Variants in METTL13 observed in about 807,000 individuals in gnomAD.
METTL13 encodes the protein methyltransferase 13, eEF1A N-terminus and K55, also known as eEF1A lysine and N-terminal methyltransferase.
METTL13 carries 52 observed loss-of-function variants against 67.4 expected under a neutral mutation model. The observed-to-expected ratio is 0.77, with a 90% CI of 0.62 to 0.97. The LOEUF (loss-of-function observed/expected upper bound fraction) is 0.97, where lower values mean the gene tolerates loss of function less well. Ranked by LOEUF, METTL13 falls within the 50% of genes least tolerant of loss-of-function variation. The pLI is 0.00. For missense variants in METTL13, 825 were observed against 889.6 expected (o/e 0.93, Z 0.92); for synonymous variants, 354 against 353.6 (o/e 1.00, Z -0.01).
intron 6 of METTL13, 24 bp downstream of exon 6, chr1:171,792,259 G>C: frequency 6.2e-7 from 1 of 1,612,810 alleles, no homozygotes; most frequent in Non-Finnish European, 8.5e-7. Context: ...AGCATTTGAA[G>C]GGGTGTTGAG....
Position 171,797,002 on chromosome 1 carries a change from G to A in METTL13, c.*246G>A. 1 of 491,554 alleles carries A rather than the reference G, an allele frequency of 2.0e-6. No homozygotes were observed. The highest frequency in any genetic ancestry group is 1.9e-5 in the African/African-American group (1 of 51,610). 30.4% of individuals were successfully genotyped at this position (491,554 alleles called of 1,614,324 possible). On this transcript the variant is annotated 3_prime_UTR_variant, in exon 8 of 8. Coordinates refer to ENST00000361735, the MANE Select transcript of METTL13 (RefSeq NM_015935.5). ...TCTTTGCTTCCTACACCACGTCCTTGAGTGGAGTTCCCTGCTGAAGCCCCT... is the reference window on the plus strand; with the variant it reads ...TCTTTGCTTCCTACACCACGTCCTTAAGTGGAGTTCCCTGCTGAAGCCCCT...
At chr1:171,784,882 T>C (rs1267115581) in intron 2 of METTL13, among the ~76,000 whole-genome samples, 2 of 152,144 alleles carry the variant, frequency 1.3e-5, no homozygotes, top group Non-Finnish European at 2.9e-5. Context: ...GTCTAAGACA[T>C]AGGTTCTAGT....
Position 171,796,638 on chromosome 1 carries a change from C to T in METTL13, c.1982C>T (p.Ala661Val). 1.9e-6 allele frequency: 3 copies of T among 1,614,148 alleles called. No individual in the cohort carries two copies. The highest frequency in any genetic ancestry group is 1.6e-4 in the Middle Eastern group (1 of 6,062). ...FCQLHPEQKL[A>V]TPELLETAQA... is the part of the protein sequence containing the mutation. ...CAGCTGCACCCTGAGCAAAAACTTG[C>T]CACACCAGAGCTCCTAGAAACAGCC... The change falls in exon 8 of 8, where the codon GCC (alanine) becomes GTC (valine). Residue 661 changes from alanine to valine, a missense_variant. Physicochemically the swap from Ala to Val is moderately conservative, Grantham distance 64. Transcript: ENST00000361735.
chr1:171,794,865 G>A (rs1463436583), intron 7 of METTL13, among the ~76,000 whole-genome samples: 1 of 151,912 alleles, frequency 6.6e-6, no homozygotes, highest in African/African-American at 2.4e-5. Context: ...TGTTTCCCAG[G>A]CTGGAGTGCA....
At position 171,784,406 on chromosome 1, in the gene METTL13, G is replaced by A. The variant is rs750837677; in HGVS notation, c.820G>A (p.Asp274Asn). Residue 274 changes from aspartate (D) to asparagine (N), a missense_variant, in exon 2 of 8, where the codon GAT (aspartate) becomes AAT (asparagine). By Grantham distance (23) the Asp-to-Asn change is conservative. Transcript: ENST00000361735. ...RLGSVSLDLC[D>N]GDTGEPRYTL... The stretch of plus-strand genomic sequence containing the variant: ...GGGGAGTGTGTCTCTGGACTTGTGC[G>A]ATGGGGACACGGGGGAGCCACGCTA... The A allele has an allele frequency of 2.6e-6, 4 of 1,554,234 alleles. No homozygotes were observed. The highest frequency in any genetic ancestry group is 2.2e-5 in the East Asian group (1 of 44,454).
chr1:171,791,515 G>C (rs909387935), intron 5 of METTL13, among the ~76,000 whole-genome samples: 4 of 152,072 alleles, frequency 2.6e-5, no homozygotes, highest in South Asian at 2.1e-4. Flanking sequence ...ATTTACTCTT[G>C]CCCAGGCTGG....
At chr1:171,792,522 A>AGGTT (rs1434946795) in intron 6 of METTL13, among the ~76,000 whole-genome samples, 1 of 152,216 alleles carries the variant, frequency 6.6e-6, no homozygotes, top group African/African-American at 2.4e-5. Context: ...TTTCCTCACC[A>AGGTT]TCTTAAGAAA....
At chr1:171,791,706 T>C (rs923257487) in intron 5 of METTL13, among the ~76,000 whole-genome samples, 2 of 152,142 alleles carry the variant, frequency 1.3e-5, no homozygotes, top group Non-Finnish European at 2.9e-5. Context: ...TCAAGTAATC[T>C]GCCCACCTCG....
chr1:171,786,358 C>G (rs957806866), intron 3 of METTL13, among the ~76,000 whole-genome samples: 21 of 152,176 alleles, frequency 1.4e-4, no homozygotes, highest in African/African-American at 5.1e-4. Context: ...TTCAGTTCTT[C>G]CTAATTTGAG....
At chr1:171,786,719 G>A (rs1657026357) in intron 3 of METTL13, among the ~76,000 whole-genome samples, 1 of 152,044 alleles carries the variant, frequency 6.6e-6, no homozygotes, top group Non-Finnish European at 1.5e-5. Flanking sequence ...GGAGTTCAGT[G>A]GTGTGATCAC....
At chr1:171,785,257 A>G (rs1404618430) in intron 2 of METTL13, among the ~76,000 whole-genome samples, 1 of 152,240 alleles carries the variant, frequency 6.6e-6, no homozygotes, top group African/African-American at 2.4e-5. Context: ...AAAGTGGAAC[A>G]TTGTAGACAA....
Position 171,785,949 on chromosome 1 carries a change from T to A in METTL13, c.984T>A (p.Ala328=). Residue 328 remains alanine (A), a synonymous_variant, in exon 3 of 8, where the codon GCT becomes GCA. Coordinates refer to ENST00000361735, the MANE Select transcript of METTL13 (RefSeq NM_015935.5). ...GCCGGAAACAGCTGGCGGCCAGTGC[T>A]GGCTTCAGGAGGTTGATTACAGTGG... The part of the protein sequence containing the change: ...DEGRKQLAAS[A]GFRRLITVAL... 6.2e-7 allele frequency: 1 copy of A among 1,613,942 alleles called. No homozygotes were observed. Among genetic ancestry groups the A allele is most frequent in the Non-Finnish European group, 8.5e-7 (1 of 1,180,002 alleles).
chr1:171,781,714 C>G lies in METTL13; in HGVS notation c.-254C>G, dbSNP rs2294718. On this transcript the variant is annotated 5_prime_UTR_variant, in exon 1 of 8. Coordinates refer to ENST00000361735, the MANE Select transcript of METTL13 (RefSeq NM_015935.5). ...TAGTTCGGGAAAAGTGTGAGGGGCT[C>G]TTCACGTGGGGAAGGAACAGCAGGC... The G allele has an allele frequency of 0.17, 212,706 of 1,231,856 alleles. 19,887 individuals are homozygous for G. Among genetic ancestry groups the G allele is most frequent in the Non-Finnish European group, 0.19 (182,421 of 957,910 alleles). The allele number at this position is 1,231,856 out of a possible 1,614,324, so 76.3% of individuals were successfully genotyped here. A position where few individuals can be genotyped will look rare whatever the true frequency, so the allele number is the denominator to read the frequency against.
intron 5 of METTL13, among the ~76,000 whole-genome samples, chr1:171,791,516 C>T (rs1262063743): frequency 6.6e-6 from 1 of 152,126 alleles, no homozygotes; most frequent in Non-Finnish European, 1.5e-5. Context: ...TTTACTCTTG[C>T]CCAGGCTGGA....
chr1:171,783,429 TC>T (rs911643470), intron 1 of METTL13, among the ~76,000 whole-genome samples: 1 of 152,212 alleles, frequency 6.6e-6, no homozygotes, highest in African/African-American at 2.4e-5. Context: ...TTCTCTGACT[TC>T]CTATTAATTC....
chr1:171,792,684 A>G (rs1657246925), intron 6 of METTL13, among the ~76,000 whole-genome samples: 1 of 152,212 alleles, frequency 6.6e-6, no homozygotes, highest in South Asian at 2.1e-4. Context: ...AGGGTCTGAC[A>G]TTTGGTAATG....
Position 171,781,796 on chromosome 1 carries a change from G to GT in METTL13, c.-171dup. ...AGTGGTCCATGCGTGCGTTTGTCGTGTAAGGGTCATTCCTGGGGTTTGGAG... is the reference window on the plus strand; with the variant it reads ...AGTGGTCCATGCGTGCGTTTGTCGTGTTAAGGGTCATTCCTGGGGTTTGGAG... On this transcript the variant is annotated 5_prime_UTR_variant, in exon 1 of 8. The change abolishes the stop of an existing upstream ORF in the 5' untranslated region. Transcript: ENST00000361735. 5 of 1,436,974 alleles carry GT rather than the reference G, an allele frequency of 3.5e-6. No homozygotes were observed. The highest frequency in any genetic ancestry group is 4.6e-6 in the Non-Finnish European group (5 of 1,096,560). The allele number at this position is 1,436,974 out of a possible 1,614,324, so 89.0% of individuals were successfully genotyped here.
chr1:171,791,984 G>T (rs747727012), intron 5 of METTL13, 33 bp from the exon 6 acceptor site: 14 of 1,609,660 alleles, frequency 8.7e-6, no homozygotes, highest in Non-Finnish European at 1.2e-5. Context: ...CAGTGAACAG[G>T]TGGCAATGTG....
intron 5 of METTL13, 81 bp downstream of exon 5, chr1:171,790,697 T>G: frequency 7.6e-7 from 1 of 1,324,164 alleles, no homozygotes; most frequent in Non-Finnish European, 9.9e-7. Flanking sequence ...TGCATTGTAG[T>G]TGAAGAACAG....
Sources: gnomAD v4.1 joint callset for allele counts (sites outside exome capture counted in the v4.1 genomes callset) on GRCh38, gnomAD v4.1.1 for gene constraint, MANE v1.5 for transcripts, NCBI Gene and HGNC (gene_info 2026-07-23, HGNC 2026-07-21) for gene names.